SORL1-AS1: variants seen among roughly 807,000 people sequenced by gnomAD.
SORL1-AS1 encodes lncRNA 51 A.
Position 121,452,297 on chromosome 11 carries a change from G to T in SORL1-AS1, n.339+378C>A. 1 of 1,464,064 alleles carries T rather than the reference G, an allele frequency of 6.8e-7. No homozygotes were observed. Among genetic ancestry groups the T allele is most frequent in the Non-Finnish European group, 9.0e-7 (1 of 1,106,266 alleles). The allele number at this position is 1,464,064 out of a possible 1,614,324, so 90.7% of individuals were successfully genotyped here. On this transcript the variant is annotated intron_variant and non_coding_transcript_variant, in intron 1 of 1. Transcript: ENST00000501964. This position sits in a 1 kb window ranked among gnomAD's most constrained non-coding sequence, Gnocchi z 5.3. Reference sequence around the variant, plus strand: ...GCCTCGCGCTGCACATTCTCTCCTGGCGGCGGCGCCACCTGCAGTAGCGTT... The same window carrying T: ...GCCTCGCGCTGCACATTCTCTCCTGTCGGCGGCGCCACCTGCAGTAGCGTT...
chr11:121,445,595 T>C (rs764164216), downstream of SORL1-AS1, among the ~76,000 whole-genome samples: 1 of 151,672 alleles, frequency 6.6e-6, no homozygotes, highest in Non-Finnish European at 1.5e-5. Context: ...CTTTCCTCCT[T>C]CTCCTCAGAC....
chr11:121,442,192 C>A, the SORL1-AS1 span, among the ~76,000 whole-genome samples: 4 of 152,180 alleles, frequency 2.6e-5, no homozygotes, highest in African/African-American at 9.7e-5. Context: ...AGTCTCTCAG[C>A]TCTTTGAGGT....
downstream of SORL1-AS1, among the ~76,000 whole-genome samples, chr11:121,445,889 T>C (rs1860716124): frequency 6.6e-6 from 1 of 152,150 alleles, no homozygotes; most frequent in Non-Finnish European, 1.5e-5. Flanking sequence ...TTTGAACCTA[T>C]TATTGGGCAG....
chr11:121,446,493 G>A (rs1301162272), downstream of SORL1-AS1, among the ~76,000 whole-genome samples: 3 of 152,178 alleles, frequency 2.0e-5, no homozygotes, highest in Non-Finnish European at 2.9e-5. Context: ...GCTCATGCCT[G>A]TAATCCCAGC....
downstream of SORL1-AS1, among the ~76,000 whole-genome samples, chr11:121,445,811 A>G (rs972643278): frequency 6.6e-6 from 1 of 151,866 alleles, no homozygotes; most frequent in South Asian, 2.1e-4. Context: ...TATTTCTGCT[A>G]GTTTCATGTT....
the SORL1-AS1 span, among the ~76,000 whole-genome samples, chr11:121,441,712 T>C: frequency 6.6e-4 from 100 of 151,894 alleles, no homozygotes; most frequent in Non-Finnish European, 8.1e-4. Context: ...CCATTGTGGA[T>C]CATACAGACA....
downstream of SORL1-AS1, among the ~76,000 whole-genome samples, chr11:121,446,754 GAAAAA>G (rs552381479): frequency 4.2e-5 from 4 of 94,472 alleles, no homozygotes; most frequent in African/African-American, 1.5e-4. Context: ...CTTAAGAGAA[GAAAAA>G]AAAAAAAAAA....
rs1340162732 is a variant in SORL1-AS1, at chr11:121,450,134, A to G, written n.340-235T>C. Among the ~76,000 whole-genome samples the G allele has an allele frequency of 6.6e-6, 1 of 151,784 alleles. No individual in the cohort carries two copies. Among genetic ancestry groups the G allele is most frequent in the Non-Finnish European group, 1.5e-5 (1 of 67,954 alleles). ...CCATCTTCAAATCCACACTTAGGAG[A>G]CTCCTGTCTCTGTTTTCTGCTGGGA... On this transcript the variant is annotated intron_variant and non_coding_transcript_variant, in intron 1 of 1. Coordinates refer to ENST00000501964, the Ensembl canonical transcript of SORL1-AS1. This position sits in a 1 kb window ranked among gnomAD's most constrained non-coding sequence, Gnocchi z 5.2.
chr11:121,442,566 CG>C (rs1210397255), downstream of SORL1-AS1, among the ~76,000 whole-genome samples: 2 of 151,196 alleles, frequency 1.3e-5, no homozygotes, highest in Non-Finnish European at 2.9e-5. Flanking sequence ...ACCTGGGAGG[CG>C]GAGGTTGCAG....
In SORL1-AS1 at chr11:121,450,557, G is replaced by T. The variant is rs1860776807; in HGVS notation, n.340-658C>A. On this transcript the variant is annotated intron_variant and non_coding_transcript_variant, in intron 1 of 1. Transcript: ENST00000501964. The surrounding 1 kb of genome is among the most constrained non-coding windows in gnomAD (Gnocchi z 5.2). ...CCTCTCAGCTTCAAAACCAGCTCTG[G>T]GTTGTAAACAAGCTACCACTTCCTC... Among the ~76,000 whole-genome samples, 1 of 152,066 alleles carries T rather than the reference G, an allele frequency of 6.6e-6. No individual in the cohort carries two copies. Among genetic ancestry groups the T allele is most frequent in the Non-Finnish European group, 1.5e-5 (1 of 68,026 alleles).
chr11:121,442,425 A>C (rs1860666451), downstream of SORL1-AS1, among the ~76,000 whole-genome samples: 2 of 152,074 alleles, frequency 1.3e-5, no homozygotes, highest in African/African-American at 4.8e-5. Context: ...GTTTGAGGTC[A>C]GGAGTTCGGG....
exon 2 of SORL1-AS1, chr11:121,449,804 A>G (rs955391189): frequency 6.6e-6 from 1 of 152,242 alleles, no homozygotes; most frequent in African/African-American, 2.4e-5. Flanking sequence ...CCCCACAGCT[A>G]GAAAGTCAAC....
chr11:121,446,184 A>G (rs1860720303), downstream of SORL1-AS1, among the ~76,000 whole-genome samples: 1 of 152,214 alleles, frequency 6.6e-6, no homozygotes, highest in Admixed American at 6.5e-5. Flanking sequence ...TCTGTTAAGT[A>G]CAAGACAGGG....
chr11:121,452,762 A>G lies in SORL1-AS1; in HGVS notation n.252T>C, dbSNP rs190157824. ...GCATTTGTTTTTTTCCTTCACGAGT[A>G]CAACCGTCAGCACTTGAATCGCATT... On this transcript the variant is annotated non_coding_transcript_exon_variant, in exon 1 of 2. Coordinates refer to ENST00000501964, the Ensembl canonical transcript of SORL1-AS1. This position sits in a 1 kb window ranked among gnomAD's most constrained non-coding sequence, Gnocchi z 5.3. 1.3e-4 allele frequency: 82 copies of G among 642,710 alleles called. 1 individual carries two copies. Among genetic ancestry groups the G allele is most frequent in the Non-Finnish European group, 1.1e-4 (45 of 413,182 alleles). 39.8% of individuals were successfully genotyped at this position (642,710 alleles called of 1,614,324 possible). A position where few individuals can be genotyped will look rare whatever the true frequency, so the allele number is the denominator to read the frequency against.
the SORL1-AS1 span, among the ~76,000 whole-genome samples, chr11:121,441,051 T>C: frequency 8.1e-3 from 1,236 of 152,314 alleles, 18 homozygotes; most frequent in African/African-American, 0.029. Context: ...TATAAGTATT[T>C]CAATGTTTTA....
chr11:121,439,334 G>A, the SORL1-AS1 span, among the ~76,000 whole-genome samples: 1 of 151,876 alleles, frequency 6.6e-6, no homozygotes, highest in Admixed American at 6.6e-5. Flanking sequence ...CAACAACGCT[G>A]AGCATCTTTT....
chr11:121,442,673 ATTTATTTATTTATTTATTTT>A (rs1488478540), downstream of SORL1-AS1, among the ~76,000 whole-genome samples: 90 of 136,082 alleles, frequency 6.6e-4, no homozygotes, highest in African/African-American at 2.5e-3. Flanking sequence ...TTATTTATTT[ATTTATTTATTTATTTATTTT>A]TTTGAGATGG....
At chr11:121,443,110 C>T (rs1860682465), downstream of SORL1-AS1, among the ~76,000 whole-genome samples, 1 of 152,096 alleles carries the variant, frequency 6.6e-6, no homozygotes, top group Admixed American at 6.5e-5. Context: ...TTGAATACTT[C>T]TGACTTTACT....
downstream of SORL1-AS1, among the ~76,000 whole-genome samples, chr11:121,443,576 T>C (rs942948092): frequency 6.6e-6 from 1 of 152,208 alleles, no homozygotes; most frequent in Non-Finnish European, 1.5e-5. Flanking sequence ...TGTGTATAAA[T>C]TAACTTTAAT....
Sources: gnomAD v4.1 joint callset for allele counts (sites outside exome capture counted in the v4.1 genomes callset) on GRCh38, gnomAD v4.1.1 for gene constraint, Gnocchi (gnomAD v3.1) non-coding constraint, MANE v1.5 for transcripts, NCBI Gene and HGNC (gene_info 2026-07-23, HGNC 2026-07-21) for gene names.